The following TYW1 variants were observed in gnomAD, a reference collection of about 807,000 sequenced individuals.
TYW1 encodes S-adenosyl-L-methionine-dependent tRNA 4-demethylwyosine synthase TYW1.
A neutral mutation model predicts 96.2 loss-of-function variants in TYW1; 46 were observed. The observed-to-expected ratio is 0.48, with a 90% CI of 0.38 to 0.61. The LOEUF (loss-of-function observed/expected upper bound fraction) is 0.61. Among genes scored for constraint, TYW1 ranks in the 20% least tolerant of loss-of-function variants. The pLI, the probability that TYW1 is intolerant of heterozygous loss-of-function variation, is 0.00. For synonymous variants in TYW1, 274 were observed against 323.0 expected, an observed-to-expected ratio of 0.85 and a Z score of 1.63; for missense variants, 684 against 909.6, an observed-to-expected ratio of 0.75 and a Z score of 3.19.
intron 7 of TYW1, among the ~76,000 whole-genome samples, chr7:67,041,600 T>G: frequency 6.6e-6 from 1 of 152,058 alleles, no homozygotes; most frequent in Admixed American, 6.6e-5. Flanking sequence ...GAGCCTGGCT[T>G]TTTCTGGCAT....
intron 13 of TYW1, among the ~76,000 whole-genome samples, chr7:67,167,702 TAA>T (rs1799384023): frequency 6.6e-6 from 1 of 151,988 alleles, no homozygotes; most frequent in Non-Finnish European, 1.5e-5. Context: ...AGTTTTGTCA[TAA>T]ATTAAGTATC....
At chr7:67,035,661 C>G (rs1339680246) in intron 7 of TYW1, among the ~76,000 whole-genome samples, 2 of 152,030 alleles carry the variant, frequency 1.3e-5, no homozygotes, top group Non-Finnish European at 2.9e-5. Flanking sequence ...AAGGCAATGC[C>G]TGGGAAGTTC....
chr7:67,139,122 G>A (rs1368759219), intron 13 of TYW1, among the ~76,000 whole-genome samples: 5 of 151,974 alleles, frequency 3.3e-5, no homozygotes, highest in East Asian at 1.9e-4. Flanking sequence ...GGCCGATCTC[G>A]GCTCACTGCA....
chr7:67,223,830 C>T, intron 15 of TYW1, among the ~76,000 whole-genome samples: 1 of 150,924 alleles, frequency 6.6e-6, no homozygotes, highest in Non-Finnish European at 1.5e-5. Flanking sequence ...CTGAAAATAA[C>T]TGCAATTTAC....
At chr7:67,211,150 T>TTGTG (rs61112149) in intron 15 of TYW1, among the ~76,000 whole-genome samples, 3,209 of 125,720 alleles carry the variant, frequency 0.026, 181 homozygotes, top group African/African-American at 0.048. Flanking sequence ...CCCATCAACA[T>TTGTG]TGTGTGTGTG....
chr7:67,179,085 A>C (rs1211095394), intron 13 of TYW1, among the ~76,000 whole-genome samples: 1 of 140,140 alleles, frequency 7.1e-6, no homozygotes, highest in Non-Finnish European at 1.5e-5. Context: ...AGCAGGGCTA[A>C]CTCATAGGCA....
intron 13 of TYW1, among the ~76,000 whole-genome samples, chr7:67,146,827 A>T (rs768983127): frequency 2.0e-5 from 3 of 152,230 alleles, no homozygotes; most frequent in Non-Finnish European, 4.4e-5. Flanking sequence ...TCACAGTGTC[A>T]TCAGAGACTC....
At chr7:67,104,603 T>G (rs1393772552) in intron 12 of TYW1, among the ~76,000 whole-genome samples, 1 of 152,134 alleles carries the variant, frequency 6.6e-6, no homozygotes, top group Non-Finnish European at 1.5e-5. Context: ...GTTCTGCCCC[T>G]TAGAGGAGTT....
chr7:67,217,116 G>C (rs1008695093), intron 15 of TYW1, among the ~76,000 whole-genome samples: 1 of 151,266 alleles, frequency 6.6e-6, no homozygotes, highest in African/African-American at 2.4e-5. Context: ...TTGGGATTTT[G>C]TTGTTGTTGT....
chr7:67,062,607 TCAGGAATGAAACAATATTATTA>T (rs1795731727), intron 9 of TYW1, among the ~76,000 whole-genome samples: 1 of 134,502 alleles, frequency 7.4e-6, no homozygotes, highest in Admixed American at 7.3e-5. Context: ...ATCATCAGTA[TCAGGAATGAAACAATATTATTA>T]CAGGTCCTGC....
intron 13 of TYW1, among the ~76,000 whole-genome samples, chr7:67,145,306 G>A (rs1798575154): frequency 6.6e-6 from 1 of 151,606 alleles, no homozygotes; most frequent in African/African-American, 2.4e-5. Flanking sequence ...CCGCCAGCAC[G>A]CCCGGCTAAT....
At chr7:67,024,304 A>G (rs1794375552) in intron 6 of TYW1, among the ~76,000 whole-genome samples, 1 of 152,078 alleles carries the variant, frequency 6.6e-6, no homozygotes, top group South Asian at 2.1e-4. Flanking sequence ...AGTTGGGATT[A>G]TAGGCATGTG....
At chr7:67,198,850 T>C (rs994557328) in intron 15 of TYW1, among the ~76,000 whole-genome samples, 3 of 152,184 alleles carry the variant, frequency 2.0e-5, no homozygotes, top group Non-Finnish European at 4.4e-5. Flanking sequence ...TTGTCTTTTA[T>C]GATGTTGCTA....
At chr7:67,157,566 G>A (rs1799023740) in intron 13 of TYW1, among the ~76,000 whole-genome samples, 1 of 152,210 alleles carries the variant, frequency 6.6e-6, no homozygotes, top group Non-Finnish European at 1.5e-5. Context: ...GATTACAGGT[G>A]TGAGCCACCG....
chr7:67,005,926 T>C (rs1345303694), intron 3 of TYW1, among the ~76,000 whole-genome samples: 1 of 152,162 alleles, frequency 6.6e-6, no homozygotes, highest in Non-Finnish European at 1.5e-5. Flanking sequence ...GCCTTTGCAG[T>C]TCACTGTTCC....
At chr7:67,102,101 A>G (rs948760804) in intron 12 of TYW1, among the ~76,000 whole-genome samples, 1 of 152,218 alleles carries the variant, frequency 6.6e-6, no homozygotes, top group Non-Finnish European at 1.5e-5. Context: ...GTCTTAAATT[A>G]AAGGCATATA....
At chr7:67,193,055 T>C (rs1190034429) in intron 14 of TYW1, among the ~76,000 whole-genome samples, 3 of 152,232 alleles carry the variant, frequency 2.0e-5, no homozygotes, top group East Asian at 1.9e-4. Context: ...TCAGACTCCA[T>C]TGGACATGTT....
chr7:67,077,573 A>G (rs1796245590), intron 10 of TYW1, among the ~76,000 whole-genome samples: 1 of 152,152 alleles, frequency 6.6e-6, no homozygotes, highest in Non-Finnish European at 1.5e-5. Flanking sequence ...TCGACCTTTT[A>G]AAAATCAGAT....
At chr7:67,098,908 A>G (rs562840457) in intron 12 of TYW1, among the ~76,000 whole-genome samples, 190 bp downstream of exon 12, 7 of 152,366 alleles carry the variant, frequency 4.6e-5, no homozygotes, top group Middle Eastern at 6.8e-3. Flanking sequence ...ATTAGTAAAA[A>G]GACTAGAGGC....
Sources: allele counts gnomAD v4.1 joint callset (sites outside exome capture counted in the v4.1 genomes callset), GRCh38; gene constraint gnomAD v4.1.1; transcripts MANE v1.5; gene names NCBI Gene and HGNC (gene_info 2026-07-23, HGNC 2026-07-21).